MAML2: variants seen among roughly 807,000 people sequenced by gnomAD.
MAML2 encodes the protein mastermind like transcriptional coactivator 2.
In MAML2, 22 loss-of-function variants were observed where a neutral mutation model predicts 96.1. The ratio of observed to expected loss-of-function variants is 0.23; its 90% CI spans 0.16 to 0.33. The LOEUF (loss-of-function observed/expected upper bound fraction) is 0.33, where lower values mean the gene tolerates loss of function less well. MAML2 is among the 10% of genes least tolerant of loss of function. MAML2 has a pLI of 1.00. For synonymous variants in MAML2, 561 were observed against 521.3 expected, an observed-to-expected ratio of 1.08 and a Z score of -1.04; for missense variants, 1,367 against 1,392.4, an observed-to-expected ratio of 0.98 and a Z score of 0.29.
In MAML2 at chr11:96,083,546, C is replaced by A. The variant is rs558740037; in HGVS notation, c.2139+8346G>T. Among the ~76,000 whole-genome samples the A allele has an allele frequency of 5.2e-4, 79 of 152,296 alleles. 1 individual carries two copies. The South Asian group carries it at 7.7e-3, about 15-fold the overall frequency. On this transcript the variant is annotated intron_variant, in intron 2 of 4. Coordinates refer to ENST00000524717, the MANE Select transcript of MAML2 (RefSeq NM_032427.4). ...GGAAGGACTAGGACTCAAACTAAGA[C>A]TAGGTCCATGGGCAAATGTTGTTTA...
intron 1 of MAML2, among the ~76,000 whole-genome samples, chr11:96,175,760 T>C (rs908334788): frequency 5.9e-5 from 9 of 151,918 alleles, no homozygotes; most frequent in Non-Finnish European, 1.0e-4. Flanking sequence ...CTGGCTATTA[T>C]TTATTTATTT....
At chr11:96,137,072 A>G (rs904827451) in intron 1 of MAML2, among the ~76,000 whole-genome samples, 2 of 152,140 alleles carry the variant, frequency 1.3e-5, no homozygotes, top group Admixed American at 1.3e-4. Context: ...AGTGTCGTCA[A>G]TTTTCCATGA....
chr11:96,076,223 G>A (rs1003891649), intron 2 of MAML2, among the ~76,000 whole-genome samples: 1 of 152,132 alleles, frequency 6.6e-6, no homozygotes, highest in African/African-American at 2.4e-5. Context: ...GGTATGAATG[G>A]TGTGCATCAT....
intron 2 of MAML2, among the ~76,000 whole-genome samples, chr11:96,015,827 TG>T (rs1858342818): frequency 6.6e-6 from 1 of 152,124 alleles, no homozygotes; most frequent in South Asian, 2.1e-4. Flanking sequence ...TATTGAATCA[TG>T]AATGTAGGGA....
intron 2 of MAML2, among the ~76,000 whole-genome samples, chr11:96,044,168 G>A (rs1047648892): frequency 2.2e-4 from 34 of 152,188 alleles, no homozygotes; most frequent in African/African-American, 7.5e-4. Flanking sequence ...AACAGGGCCC[G>A]AAAATTCTTG....
intron 2 of MAML2, among the ~76,000 whole-genome samples, chr11:96,089,605 G>A (rs1192501244): frequency 6.6e-6 from 1 of 152,194 alleles, no homozygotes; most frequent in Non-Finnish European, 1.5e-5. Flanking sequence ...ATCAGAATGT[G>A]TATACTTCCC....
At chr11:95,985,480 T>G in intron 4 of MAML2, 51 bp downstream of exon 4, 2 of 1,144,380 alleles carry the variant, frequency 1.7e-6, no homozygotes, top group South Asian at 3.0e-5. Flanking sequence ...AAATTGAAGT[T>G]TTTTTTTCCT....
chr11:96,327,521 G>A (rs931587415), intron 1 of MAML2, among the ~76,000 whole-genome samples: 1 of 151,944 alleles, frequency 6.6e-6, no homozygotes, highest in South Asian at 2.1e-4. Context: ...TCTGCCTCAT[G>A]GACTCAAGTG....
At chr11:96,185,454 G>A (rs1861559572) in intron 1 of MAML2, among the ~76,000 whole-genome samples, 1 of 152,194 alleles carries the variant, frequency 6.6e-6, no homozygotes, top group Admixed American at 6.5e-5. Context: ...CCATGTTCAT[G>A]GAGGCTGAGC....
chr11:96,158,851 C>A (rs1180771236), intron 1 of MAML2, among the ~76,000 whole-genome samples: 2 of 152,160 alleles, frequency 1.3e-5, no homozygotes, highest in Non-Finnish European at 2.9e-5. Flanking sequence ...GACATAAAAT[C>A]TACTGTGTTA....
intron 2 of MAML2, among the ~76,000 whole-genome samples, chr11:96,082,949 A>G (rs1002933622): frequency 6.6e-6 from 1 of 152,180 alleles, no homozygotes; most frequent in Non-Finnish European, 1.5e-5. Flanking sequence ...AATGAAAGTC[A>G]TTTTTGAAGA....
chr11:96,305,832 T>C (rs1291233197), intron 1 of MAML2, among the ~76,000 whole-genome samples: 1 of 151,924 alleles, frequency 6.6e-6, no homozygotes, highest in Non-Finnish European at 1.5e-5. Flanking sequence ...CCCTCAGAGG[T>C]TAAACTGGGT....
intron 1 of MAML2, among the ~76,000 whole-genome samples, chr11:96,131,638 G>C (rs896311760): frequency 6.6e-6 from 1 of 152,180 alleles, no homozygotes; most frequent in African/African-American, 2.4e-5. Context: ...AATATGAGGA[G>C]TGACTGCTAA....
At chr11:96,338,108 G>A (rs940387847) in intron 1 of MAML2, among the ~76,000 whole-genome samples, 4 of 152,220 alleles carry the variant, frequency 2.6e-5, no homozygotes, top group Non-Finnish European at 5.9e-5. Context: ...CAGAAAAAGA[G>A]CTTGTCTCAG....
intron 1 of MAML2, among the ~76,000 whole-genome samples, chr11:96,172,567 A>C (rs1861313614): frequency 6.6e-6 from 1 of 152,232 alleles, no homozygotes; most frequent in Middle Eastern, 3.2e-3. Flanking sequence ...AGTAAGATTC[A>C]GTGTCTGCAG....
intron 1 of MAML2, among the ~76,000 whole-genome samples, chr11:96,141,020 C>T (rs1020930775): frequency 4.6e-5 from 7 of 152,166 alleles, no homozygotes; most frequent in African/African-American, 1.7e-4. Context: ...CATTTCTTAG[C>T]ATAAGTATGT....
chr11:96,299,056 A>ATATAT (rs1191083053), intron 1 of MAML2, among the ~76,000 whole-genome samples: 651 of 49,518 alleles, frequency 0.013, 4 homozygotes, highest in South Asian at 0.019. Flanking sequence ...AAAAAAAAAA[A>ATATAT]AAAAATATAT....
intron 1 of MAML2, among the ~76,000 whole-genome samples, chr11:96,270,533 A>T (rs1022838097): frequency 5.9e-5 from 9 of 151,942 alleles, no homozygotes; most frequent in Non-Finnish European, 1.2e-4. Context: ...CTGGTCTCGA[A>T]CTCCTGACCT....
chr11:96,301,086 C>A (rs1157020842), intron 1 of MAML2, among the ~76,000 whole-genome samples: 1 of 152,094 alleles, frequency 6.6e-6, no homozygotes, highest in Non-Finnish European at 1.5e-5. Context: ...TTGGATAAGT[C>A]CGTTGGTAGA....
Sources: gnomAD v4.1 joint callset for allele counts (sites outside exome capture counted in the v4.1 genomes callset) on GRCh38, gnomAD v4.1.1 for gene constraint, MANE v1.5 for transcripts, NCBI Gene and HGNC (gene_info 2026-07-23, HGNC 2026-07-21) for gene names.